The following PRSS55 variants were observed in gnomAD, a reference collection of about 807,000 sequenced individuals.
PRSS55 encodes the protein probable serine protease UNQ9391/PRO34284.
Under a neutral mutation model 23.6 loss-of-function variants are expected in PRSS55, and 41 were observed. The observed-to-expected ratio is 1.74, with a 90% confidence interval of 1.35 to 2.26. The LOEUF is 2.26. PRSS55 is among the 30% of genes most tolerant of loss of function. The probability of loss-of-function intolerance (pLI) is 0.00; values close to 1 mark genes in which losing one functional copy is unlikely to be tolerated. For missense variants in PRSS55, 669 were observed against 439.1 expected (o/e 1.52, Z -4.68); for synonymous variants, 262 against 175.5 (o/e 1.49, Z -3.90).
chr8:10,548,731 C>T (rs1163613006), intron 4 of PRSS55, among the ~76,000 whole-genome samples: 1 of 151,994 alleles, frequency 6.6e-6, no homozygotes, highest in African/African-American at 2.4e-5. Flanking sequence ...GGCTCCAAAG[C>T]CTCAGACTTG....
chr8:10,545,889 A>T (rs764299581), intron 4 of PRSS55, among the ~76,000 whole-genome samples: 7 of 152,228 alleles, frequency 4.6e-5, no homozygotes, highest in Admixed American at 2.0e-4. Context: ...AGTAAGAGGC[A>T]TCTTCTATCT....
chr8:10,551,701 T>C (rs1000147299), intron 4 of PRSS55, among the ~76,000 whole-genome samples: 1 of 152,192 alleles, frequency 6.6e-6, no homozygotes, highest in Non-Finnish European at 1.5e-5. Flanking sequence ...TGTCTCTCCA[T>C]CTGCACGGGC....
At chr8:10,533,231 C>T (rs1812335092) in intron 4 of PRSS55, among the ~76,000 whole-genome samples, 183 bp downstream of exon 4, 2 of 152,186 alleles carry the variant, frequency 1.3e-5, no homozygotes, top group Non-Finnish European at 2.9e-5. Context: ...TGAGTGAGCA[C>T]CCTGGGAGTC....
rs530881285 is a variant in PRSS55, at chr8:10,532,953, A to T, written c.646A>T (p.Ile216Phe). The T allele has an allele frequency of 5.0e-6, 8 of 1,614,244 alleles. No individual in the cohort carries two copies. The highest frequency in any genetic ancestry group is 2.7e-5 in the African/African-American group (2 of 75,062). ...GGATCTGATGAAAGCGCCAATGGTC[A>T]TCATGGACTGGGAGGAGTGTTCAAA... is the stretch of plus-strand genomic sequence containing the variant. ...KTDLMKAPMV[I>F]MDWEECSKMF... The change falls in exon 4 of 5, where the codon ATC becomes TTC. Residue 216 changes from isoleucine (I) to phenylalanine (F), a missense_variant. By Grantham distance (21) the Ile-to-Phe change is conservative. Transcript: ENST00000328655.
chr8:10,545,176 A>G (rs981665871), intron 4 of PRSS55: 11 of 186,382 alleles, frequency 5.9e-5, no homozygotes, highest in South Asian at 3.7e-4. Context: ...ATCGAAAATG[A>G]ACAAATAAAA....
At chr8:10,553,597 G>T (rs4351384) in intron 4 of PRSS55, among the ~76,000 whole-genome samples, 152,182 of 152,346 alleles carry the variant, frequency 1, 76,009 homozygotes, top group Non-Finnish European at 1. Flanking sequence ...TCTAAAAAAT[G>T]TGAACTCATA....
In PRSS55 at chr8:10,550,215, G is replaced by C. The variant is rs373169381; in HGVS notation, c.742-3728G>C. Among the ~76,000 whole-genome samples, 3 of 152,248 alleles carry C rather than the reference G, an allele frequency of 2.0e-5. No homozygotes were observed. In the East Asian group the frequency reaches 5.8e-4, roughly 29 times the overall value. ...TGGGATTACAGCTGTGAGCCATTGC[G>C]CCCGGCCCACAGGGCATTTTAGCTA... On this transcript the variant is annotated intron_variant, in intron 4 of 4. Coordinates refer to the PRSS55 transcript ENST00000522210.
exon 5 of PRSS55, chr8:10,554,000 C>T: frequency 2.0e-6 from 3 of 1,532,152 alleles, no homozygotes; most frequent in Non-Finnish European, 2.6e-6. Context: ...AACAAAGCCG[C>T]CTGGGTCTCA....
intron 1 of PRSS55, among the ~76,000 whole-genome samples, chr8:10,528,636 G>A (rs902138888): frequency 2.0e-5 from 3 of 152,148 alleles, no homozygotes; most frequent in African/African-American, 2.4e-5. Flanking sequence ...AGGGCTTTCC[G>A]GTAGATTCTG....
chr8:10,547,972 G>A (rs1332222550), intron 4 of PRSS55, among the ~76,000 whole-genome samples: 2 of 152,056 alleles, frequency 1.3e-5, no homozygotes, highest in African/African-American at 4.8e-5. Context: ...AAGAAGGAGT[G>A]TGGGCGGAGG....
chr8:10,543,696 T>G (rs1458554395), downstream of PRSS55, among the ~76,000 whole-genome samples: 1 of 136,376 alleles, frequency 7.3e-6, no homozygotes, highest in Non-Finnish European at 1.6e-5. Context: ...ATCTCAGTGC[T>G]GCTTTAGTGC....
At chr8:10,544,566 G>C (rs778083453) in intron 4 of PRSS55, among the ~76,000 whole-genome samples, 1 of 152,112 alleles carries the variant, frequency 6.6e-6, no homozygotes, top group Non-Finnish European at 1.5e-5. Flanking sequence ...TTTCCTGTAT[G>C]ATGCTTTTCC....
chr8:10,533,099 C>G, intron 4 of PRSS55, 51 bp downstream of exon 4: 1 of 1,589,816 alleles, frequency 6.3e-7, no homozygotes, highest in Non-Finnish European at 8.6e-7. Flanking sequence ...CCTCTGGGAA[C>G]TGCCAGTGCA....
downstream of PRSS55, among the ~76,000 whole-genome samples, chr8:10,539,659 C>A (rs896140687): frequency 1.3e-5 from 2 of 152,164 alleles, no homozygotes; most frequent in Admixed American, 6.5e-5. Context: ...GTAAGTCTCA[C>A]GAGATCTGAT....
In PRSS55 at chr8:10,538,428, G is replaced by C. The variant is rs970742975; in HGVS notation, c.742-48G>C. Reference sequence around the variant, plus strand: ...AATGAGCTGTGCCCAGCCTCAGATGGGCAGCTTAGAACCGGACTCCCTGCT... The same window carrying C: ...AATGAGCTGTGCCCAGCCTCAGATGCGCAGCTTAGAACCGGACTCCCTGCT... On this transcript the variant is annotated intron_variant, in intron 4 of 4. Coordinates refer to ENST00000328655, the MANE Select transcript of PRSS55 (RefSeq NM_198464.4). 4 of 1,432,472 alleles carry C rather than the reference G, an allele frequency of 2.8e-6. No homozygotes were observed. The Admixed American group carries it at 7.8e-5, about 28-fold the overall frequency. 88.7% of individuals were successfully genotyped at this position (1,432,472 alleles called of 1,614,324 possible). A position where few individuals can be genotyped will look rare whatever the true frequency, so the allele number is the denominator to read the frequency against.
Position 10,544,444 on chromosome 8 carries a change from CTTGT to C in PRSS55, c.742-9492_742-9489del, listed in dbSNP as rs201465825. 3.6e-3 allele frequency among the ~76,000 whole-genome samples: 549 copies of C among 152,234 alleles called. 3 individuals carry two copies. The highest frequency in any genetic ancestry group is 0.012 in the African/African-American group (504 of 41,544). On this transcript the variant is annotated intron_variant, in intron 4 of 4. Coordinates refer to the PRSS55 transcript ENST00000522210. ...TGTTTCCTGTAGACAACACATAGAA[CTTGT>C]TTGTTTATCCAGTCTGACAATCTCT...
chr8:10,545,239 C>T (rs1196304648), intron 4 of PRSS55: 3 of 152,452 alleles, frequency 2.0e-5, no homozygotes, highest in African/African-American at 7.3e-5. Flanking sequence ...ACTCTATCAC[C>T]CAGGCTGGAG....
At chr8:10,540,385 G>A (rs563186383), downstream of PRSS55, 7 of 152,376 alleles carry the variant, frequency 4.6e-5, no homozygotes, top group African/African-American at 1.7e-4. Flanking sequence ...GGGACCTACA[G>A]CCTGGCTGAG....
intron 3 of PRSS55, 99 bp downstream of exon 3, chr8:10,531,644 G>A: frequency 6.6e-7 from 1 of 1,508,846 alleles, no homozygotes; most frequent in Non-Finnish European, 8.9e-7. Flanking sequence ...TTGCATTGGA[G>A]CAGATTCCCG....
Sources: gnomAD v4.1 joint callset for allele counts (sites outside exome capture counted in the v4.1 genomes callset) on GRCh38, gnomAD v4.1.1 for gene constraint, MANE v1.5 for transcripts, NCBI Gene and HGNC (gene_info 2026-07-23, HGNC 2026-07-21) for gene names.